The following PER3 variants were observed in gnomAD, a reference collection of about 807,000 sequenced individuals.
PER3 encodes the protein period circadian protein homolog 3.
A neutral mutation model predicts 127.2 loss-of-function variants in PER3; 107 were observed. That is an observed-to-expected ratio of 0.84 (90% CI 0.72 to 0.99). The LOEUF is 0.99. Ranked by LOEUF, PER3 falls within the 50% of genes least tolerant of loss-of-function variation. The pLI is 0.00. For synonymous variants in PER3, 618 were observed against 585.8 expected, an observed-to-expected ratio of 1.05 and a Z score of -0.79; for missense variants, 1,560 against 1,525.8, an observed-to-expected ratio of 1.02 and a Z score of -0.37.
chr1:7,817,247 T>A (rs1020667570), intron 13 of PER3, among the ~76,000 whole-genome samples: 8 of 152,178 alleles, frequency 5.3e-5, no homozygotes, highest in Non-Finnish European at 1.0e-4. Flanking sequence ...TACACAACTT[T>A]CCGTGCATTT....
Position 7,801,161 on chromosome 1 carries a change from C to G in PER3, c.842C>G (p.Pro281Arg). 6.2e-7 allele frequency: 1 copy of G among 1,601,238 alleles called. No individual in the cohort carries two copies. Among genetic ancestry groups the G allele is most frequent in the Non-Finnish European group, 8.5e-7 (1 of 1,171,796 alleles). Residue 281 changes from proline to arginine, a missense_variant, in exon 8 of 22, where the codon CCA (proline) becomes CGA (arginine). Pro to Arg is a moderately radical substitution (Grantham distance 103). Coordinates refer to ENST00000377532, the MANE Select transcript of PER3 (RefSeq NM_001377275.1). ...AGAATCTTCACCACCACACACACCCCAGGGTGTGTTTTTCTTGAAGTAGAT... is the reference window on the plus strand; with the variant it reads ...AGAATCTTCACCACCACACACACCCGAGGGTGTGTTTTTCTTGAAGTAGAT... The part of the protein sequence containing the change: ...NKRIFTTTHT[P>R]GCVFLEVDEK...
At chr1:7,821,324 A>G (rs2097275379) in intron 16 of PER3, among the ~76,000 whole-genome samples, 1 of 152,224 alleles carries the variant, frequency 6.6e-6, no homozygotes, top group Admixed American at 6.5e-5. Context: ...TCTGTGTGCC[A>G]CTGTCTGCTC....
chr1:7,840,328 T>C (rs982797628), intron 21 of PER3, among the ~76,000 whole-genome samples: 3 of 150,770 alleles, frequency 2.0e-5, no homozygotes, highest in African/African-American at 4.9e-5. Flanking sequence ...ATCTTTTTCT[T>C]TTTTCTATTT....
At chr1:7,841,293 T>TG (rs2097386642) in intron 21 of PER3, among the ~76,000 whole-genome samples, 1 of 152,046 alleles carries the variant, frequency 6.6e-6, no homozygotes, top group Non-Finnish European at 1.5e-5. Flanking sequence ...TAATGATTTT[T>TG]TTTTTTTTTG....
Position 7,819,294 on chromosome 1 carries a change from A to T in PER3, c.1532A>T (p.Lys511Met). Residue 511 changes from lysine (K) to methionine (M), a missense_variant, in exon 14 of 22, where the codon AAG becomes ATG. By Grantham distance (95) the Lys-to-Met change is moderately conservative. This residue lies in a region of PER3 where 1,332 missense variants were observed against 1,223.6 expected (regional missense o/e 1.09). Transcript: ENST00000377532. ...CTTTATTCTGTTTCAGGTGAATGTAAGACCTTTACTTCCTTCCACCAAACA... is the reference window on the plus strand; with the variant it reads ...CTTTATTCTGTTTCAGGTGAATGTATGACCTTTACTTCCTTCCACCAAACA... ...GESANGGGEC[K>M]TFTSFHQTLK... is the part of the protein sequence containing the mutation. 1 of 1,613,600 alleles carries T rather than the reference A, an allele frequency of 6.2e-7. No homozygotes were observed. The highest frequency in any genetic ancestry group is 1.3e-5 in the African/African-American group (1 of 75,028).
chr1:7,810,772 G>T (rs2097215908), intron 13 of PER3, 184 bp downstream of exon 13: 1 of 464,970 alleles, frequency 2.2e-6, no homozygotes, highest in Non-Finnish European at 3.8e-6. Context: ...AACAAATACT[G>T]TTCTGAAAGG....
In PER3 at chr1:7,801,156, C is replaced by CA; in HGVS notation, c.838dup (p.Thr280AsnfsTer8). The CA allele has an allele frequency of 6.2e-7, 1 of 1,607,922 alleles. No homozygotes were observed. Among genetic ancestry groups the CA allele is most frequent in the Non-Finnish European group, 8.5e-7 (1 of 1,176,484 alleles). ...ATAAAAGAATCTTCACCACCACACA[C>CA]ACCCCAGGGTGTGTTTTTCTTGAAG... On this transcript the variant is annotated frameshift_variant, in exon 8 of 22. Transcript: ENST00000377532. LOFTEE classifies it high-confidence loss of function.
intron 5 of PER3, among the ~76,000 whole-genome samples, chr1:7,790,112 C>T (rs556429311): frequency 1.3e-5 from 2 of 152,214 alleles, no homozygotes; most frequent in East Asian, 1.9e-4. Flanking sequence ...TTCAGCACTG[C>T]CTGTGGCTTT....
intron 19 of PER3, among the ~76,000 whole-genome samples, chr1:7,830,577 C>G (rs1558472282): frequency 6.6e-6 from 1 of 152,192 alleles, no homozygotes; most frequent in Admixed American, 6.5e-5. Context: ...CGGATTCTTT[C>G]AGTTAGCATG....
chr1:7,828,907 A>G (rs886749509), intron 18 of PER3, among the ~76,000 whole-genome samples: 1 of 152,196 alleles, frequency 6.6e-6, no homozygotes, highest in Admixed American at 6.5e-5. Flanking sequence ...TGCCTAGAAC[A>G]TATAAATGTT....
At chr1:7,793,723 C>A (rs1462266847) in intron 5 of PER3, among the ~76,000 whole-genome samples, 1 of 152,056 alleles carries the variant, frequency 6.6e-6, no homozygotes, top group Middle Eastern at 3.2e-3. Context: ...GAGATAAAGC[C>A]GATTCTCACT....
intron 5 of PER3, among the ~76,000 whole-genome samples, chr1:7,791,040 C>T (rs551509029): frequency 6.6e-6 from 1 of 152,314 alleles, no homozygotes; most frequent in Admixed American, 6.5e-5. Context: ...GCTCACAGTG[C>T]AAGCTTTTGG....
At chr1:7,796,256 A>C (rs2097144720) in intron 6 of PER3, among the ~76,000 whole-genome samples, 1 of 151,184 alleles carries the variant, frequency 6.6e-6, no homozygotes, top group African/African-American at 2.4e-5. Flanking sequence ...TTATTGCTAC[A>C]GGGTTATCAT....
chr1:7,808,910 A>G lies in PER3; in HGVS notation c.1154A>G (p.Asp385Gly). 5 of 1,588,902 alleles carry G rather than the reference A, an allele frequency of 3.1e-6. No homozygotes were observed. The highest frequency in any genetic ancestry group is 1.1e-5 in the South Asian group (1 of 90,096). ...HKVRTSPLNE[D>G]VFATKIKKMN... The stretch of plus-strand genomic sequence containing the variant: ...TTTTCTAGGAGCCCACTAAATGAGG[A>G]TGTTTTTGCTACCAAAATTAAAAAG... The change falls in exon 11 of 22, where the codon GAT becomes GGT. Residue 385 changes from aspartate to glycine, a missense_variant. Coordinates refer to ENST00000377532, the MANE Select transcript of PER3 (RefSeq NM_001377275.1).
chr1:7,835,766 C>A lies in PER3; in HGVS notation c.3219C>A (p.Ser1073Arg), dbSNP rs200087580. Residue 1073 changes from serine to arginine, a missense_variant, in exon 20 of 22, where the codon AGC becomes AGA. Coordinates refer to ENST00000377532, the MANE Select transcript of PER3 (RefSeq NM_001377275.1). ...TGTGTTGTTGATTTTTGACAGGAAG[C>A]AGCGACAGCAGTATATACCTTACTA... Reference protein sequence around the residue: ...PSRTGSAASGSSDSSIYLTSS... With the variant: ...PSRTGSAASGRSDSSIYLTSS... 3.8e-6 allele frequency: 6 copies of A among 1,598,572 alleles called. No individual in the cohort carries two copies. Among genetic ancestry groups the A allele is most frequent in the Non-Finnish European group, 5.1e-6 (6 of 1,171,154 alleles).
chr1:7,824,617 G>C (rs945207085), intron 16 of PER3, among the ~76,000 whole-genome samples: 45 of 152,046 alleles, frequency 3.0e-4, no homozygotes, highest in African/African-American at 1.1e-3. Context: ...AAATATATTT[G>C]TATTCCTATA....
intron 10 of PER3, among the ~76,000 whole-genome samples, chr1:7,806,812 A>AAATATAT (rs61141023): frequency 4.1e-4 from 25 of 60,626 alleles, no homozygotes; most frequent in African/African-American, 1.2e-3. Context: ...AAAAAAAAAA[A>AAATATAT]ATATATATAT....
At chr1:7,830,190 A>G (rs930703645) in intron 19 of PER3, 29 bp downstream of exon 19, 11 of 1,580,344 alleles carry the variant, frequency 7.0e-6, no homozygotes, top group Admixed American at 1.7e-5. Context: ...TAATGTTTCA[A>G]ACTCCAATGC....
At chr1:7,812,811 C>G (rs2097226245) in intron 13 of PER3, among the ~76,000 whole-genome samples, 1 of 152,066 alleles carries the variant, frequency 6.6e-6, no homozygotes, top group Admixed American at 6.6e-5. Context: ...TTTGGAGAAC[C>G]AATGTTTCTG....
Sources: gnomAD v4.1 joint callset for allele counts (sites outside exome capture counted in the v4.1 genomes callset) on GRCh38, gnomAD v4.1.1 for gene constraint, gnomAD v4.1.1 regional missense constraint, MANE v1.5 for transcripts, NCBI Gene and HGNC (gene_info 2026-07-23, HGNC 2026-07-21) for gene names.